MAGI1: variants seen among roughly 807,000 people sequenced by gnomAD.
MAGI1 encodes membrane associated guanylate kinase, WW and PDZ domain containing 1.
Under a neutral mutation model 139.9 loss-of-function variants are expected in MAGI1, and 58 were observed. That is an observed-to-expected ratio of 0.41 (90% CI 0.34 to 0.52). MAGI1 has a LOEUF of 0.52. Ranked by LOEUF, MAGI1 falls within the 20% of genes least tolerant of loss-of-function variation. The pLI is 0.12. For missense variants in MAGI1, 1,874 were observed against 1,901.6 expected (o/e 0.99, Z 0.27); for synonymous variants, 812 against 737.9 (o/e 1.10, Z -1.63).
chr3:65,748,753 A>C lies in MAGI1; in HGVS notation c.314-126665T>G, dbSNP rs143127132. Among the ~76,000 whole-genome samples the C allele has an allele frequency of 3.5e-3, 526 of 152,340 alleles. 6 individuals carry two copies. The highest frequency in any genetic ancestry group is 0.012 in the African/African-American group (509 of 41,580). Reference sequence around the variant, plus strand: ...AGGATGCTATGGGCCCCCAAAAAGAAGGACATGAGAGGCATGACCTCCTGG... The same window carrying C: ...AGGATGCTATGGGCCCCCAAAAAGACGGACATGAGAGGCATGACCTCCTGG... On this transcript the variant is annotated intron_variant, in intron 1 of 22. Transcript: ENST00000402939.
chr3:65,983,196 A>G (rs2065680782), intron 1 of MAGI1, among the ~76,000 whole-genome samples: 1 of 152,208 alleles, frequency 6.6e-6, no homozygotes, highest in Non-Finnish European at 1.5e-5. Context: ...ACACATCATA[A>G]AGTAAAACTT....
At chr3:65,879,831 A>G (rs1290880646) in intron 1 of MAGI1, among the ~76,000 whole-genome samples, 2 of 152,262 alleles carry the variant, frequency 1.3e-5, no homozygotes, top group African/African-American at 4.8e-5. Flanking sequence ...CACACAGCTG[A>G]TAAGTGGGCT....
rs1250732111 is a variant in MAGI1 at position 65,440,009 on chromosome 3, G to A, written c.1140C>T (p.His380=). 6.2e-7 allele frequency: 1 copy of A among 1,614,022 alleles called. No homozygotes were observed. The highest frequency in any genetic ancestry group is 1.1e-5 in the South Asian group (1 of 91,084). The change falls in exon 9 of 23, where the codon CAC becomes CAT. Residue 380 remains histidine (H), a synonymous_variant. Coordinates refer to ENST00000402939, the MANE Select transcript of MAGI1 (RefSeq NM_001033057.2). ...DPVYGIYYVD[H]INRKTQYENP... is the part of the protein sequence containing the mutation. ...TCTCATATTGTGTCTTCCTGTTGAT[G>A]TGGCTGGGGAAGATAGCAAATAGTA...
chr3:65,407,882 G>A (rs1351412797), intron 12 of MAGI1, among the ~76,000 whole-genome samples: 1 of 152,196 alleles, frequency 6.6e-6, no homozygotes, highest in African/African-American at 2.4e-5. Flanking sequence ...CCTTAGCGCA[G>A]TGCTAGATTA....
chr3:65,543,841 T>C (rs2079369943), intron 2 of MAGI1, among the ~76,000 whole-genome samples: 1 of 152,122 alleles, frequency 6.6e-6, no homozygotes, highest in South Asian at 2.1e-4. Context: ...CCATGGCACG[T>C]GTATACCTAT....
intron 1 of MAGI1, among the ~76,000 whole-genome samples, chr3:65,859,032 C>G (rs1200205939): frequency 1.3e-5 from 2 of 152,132 alleles, no homozygotes; most frequent in African/African-American, 4.8e-5. Context: ...GTGCTATGTG[C>G]TTTAAAAATG....
intron 1 of MAGI1, among the ~76,000 whole-genome samples, chr3:65,951,470 T>C (rs183963408): frequency 4.2e-3 from 640 of 152,320 alleles, no homozygotes; most frequent in Non-Finnish European, 6.6e-3. Flanking sequence ...AATGGAGATA[T>C]ACTCTGAAGT....
chr3:65,688,429 T>C (rs551760514), intron 1 of MAGI1: 147 of 504,806 alleles, frequency 2.9e-4, no homozygotes, highest in African/African-American at 2.8e-3. Flanking sequence ...AAGAACCACC[T>C]CAAGGAGAGG....
At chr3:65,570,068 A>C (rs1302115901) in intron 2 of MAGI1, among the ~76,000 whole-genome samples, 1 of 109,506 alleles carries the variant, frequency 9.1e-6, no homozygotes, top group East Asian at 2.8e-4. Context: ...TTCTTTCTTT[A>C]TTATCATTAT....
chr3:65,654,989 G>T (rs1030172124), intron 1 of MAGI1, among the ~76,000 whole-genome samples: 1 of 152,168 alleles, frequency 6.6e-6, no homozygotes, highest in Non-Finnish European at 1.5e-5. Flanking sequence ...AATGCATCTT[G>T]CCATTACCCA....
intron 1 of MAGI1, among the ~76,000 whole-genome samples, chr3:65,823,479 T>C (rs1575612947): frequency 6.6e-6 from 1 of 152,232 alleles, no homozygotes; most frequent in East Asian, 1.9e-4. Flanking sequence ...TTCATTCCAC[T>C]AGTCCAAGGC....
chr3:65,995,297 T>C (rs1430118809), intron 1 of MAGI1, among the ~76,000 whole-genome samples: 2 of 152,302 alleles, frequency 1.3e-5, no homozygotes, highest in South Asian at 2.1e-4. Context: ...TGTTACACAA[T>C]GGTGCTGTCC....
chr3:65,617,461 A>G (rs2083437611), intron 2 of MAGI1, among the ~76,000 whole-genome samples: 1 of 152,198 alleles, frequency 6.6e-6, no homozygotes, highest in Non-Finnish European at 1.5e-5. Flanking sequence ...TTCCAAAGCA[A>G]GAATCTCAGA....
chr3:65,583,558 G>GT (rs201236707), intron 2 of MAGI1, among the ~76,000 whole-genome samples: 4 of 149,212 alleles, frequency 2.7e-5, no homozygotes, highest in Admixed American at 6.7e-5. Flanking sequence ...TAACTACAAG[G>GT]TTTTTTTTTT....
chr3:65,580,486 A>T (rs1158243755), intron 2 of MAGI1, among the ~76,000 whole-genome samples: 1 of 152,210 alleles, frequency 6.6e-6, no homozygotes, highest in Non-Finnish European at 1.5e-5. Context: ...CTGGAGTCAA[A>T]CAACTTTTGC....
At chr3:65,668,354 G>A (rs533222850) in intron 1 of MAGI1, among the ~76,000 whole-genome samples, 13 of 152,072 alleles carry the variant, frequency 8.5e-5, no homozygotes, top group East Asian at 1.9e-4. Flanking sequence ...TCCTACCTTC[G>A]TACTCAGAGA....
chr3:66,005,997 A>G (rs1032158226), intron 1 of MAGI1, among the ~76,000 whole-genome samples: 8 of 152,202 alleles, frequency 5.3e-5, no homozygotes, highest in African/African-American at 1.9e-4. Context: ...CTCTGGATTT[A>G]CTTGGGTTAT....
In MAGI1 at chr3:65,429,803, A is replaced by T. The variant is rs775325477; in HGVS notation, c.1884T>A (p.Thr628=). Residue 628 remains threonine (T), a synonymous_variant, in exon 12 of 23, where the codon ACT becomes ACA. Coordinates refer to ENST00000402939, the MANE Select transcript of MAGI1 (RefSeq NM_001033057.2). ...SNSSHGYPND[T]VSLASSIATQ... ...TGGCTATGGAGGAAGCCAAAGAAACAGTGTCATTAGGATAACCATGAGAAC... is the reference window on the plus strand; with the variant it reads ...TGGCTATGGAGGAAGCCAAAGAAACTGTGTCATTAGGATAACCATGAGAAC... 82 of 1,613,884 alleles carry T rather than the reference A, an allele frequency of 5.1e-5. No individual in the cohort carries two copies. Among genetic ancestry groups the T allele is most frequent in the Non-Finnish European group, 6.9e-5 (81 of 1,179,984 alleles).
At chr3:65,662,028 T>C (rs911698381) in intron 1 of MAGI1, among the ~76,000 whole-genome samples, 2 of 152,162 alleles carry the variant, frequency 1.3e-5, no homozygotes, top group Non-Finnish European at 2.9e-5. Flanking sequence ...ATTACAGGCA[T>C]GAGCCACCAT....
Sources: gnomAD v4.1 joint callset for allele counts (sites outside exome capture counted in the v4.1 genomes callset) on GRCh38, gnomAD v4.1.1 for gene constraint, MANE v1.5 for transcripts, NCBI Gene and HGNC (gene_info 2026-07-23, HGNC 2026-07-21) for gene names.